Variants in CNTNAP2 observed in about 807,000 individuals in gnomAD.
CNTNAP2 encodes contactin associated protein 2.
A neutral mutation model predicts 155.2 loss-of-function variants in CNTNAP2; 98 were observed. The observed-to-expected ratio is 0.63, with a 90% CI of 0.54 to 0.75. The LOEUF is 0.75. Among genes scored for constraint, CNTNAP2 ranks in the 30% least tolerant of loss-of-function variants. The probability of loss-of-function intolerance (pLI) is 0.00; values close to 1 mark genes in which losing one functional copy is unlikely to be tolerated. For missense variants in CNTNAP2, 1,727 were observed against 1,688.1 expected (o/e 1.02, Z -0.40); for synonymous variants, 651 against 631.2 (o/e 1.03, Z -0.47).
intron 14 of CNTNAP2, among the ~76,000 whole-genome samples, chr7:147,930,123 G>A (rs7792509): frequency 0.029 from 4,255 of 147,334 alleles, 197 homozygotes; most frequent in African/African-American, 0.1. Flanking sequence ...ACATACAAAA[G>A]AAAAACAGAA....
intron 13 of CNTNAP2, among the ~76,000 whole-genome samples, chr7:147,806,294 C>A (rs764428695): frequency 2.0e-5 from 3 of 152,104 alleles, no homozygotes; most frequent in Non-Finnish European, 2.9e-5. Flanking sequence ...TAATAAGTAT[C>A]ATCTCACCCA....
At chr7:146,733,871 A>T (rs184130971) in intron 1 of CNTNAP2, among the ~76,000 whole-genome samples, 19 of 152,116 alleles carry the variant, frequency 1.2e-4, no homozygotes, top group Non-Finnish European at 2.5e-4. Context: ...ATGGTATGAG[A>T]GTTTCATAGT....
chr7:147,546,142 C>T (rs2116755008), intron 11 of CNTNAP2, among the ~76,000 whole-genome samples: 1 of 152,268 alleles, frequency 6.6e-6, no homozygotes, highest in South Asian at 2.1e-4. Context: ...TTGCTAATGT[C>T]TCTTTAATCA....
chr7:148,399,582 G>A (rs772204832), intron 22 of CNTNAP2, among the ~76,000 whole-genome samples: 5 of 151,956 alleles, frequency 3.3e-5, no homozygotes, highest in Non-Finnish European at 5.9e-5. Context: ...GGTATCCAAG[G>A]TCATACTAAG....
chr7:147,393,112 A>G lies in CNTNAP2; in HGVS notation c.1499-2497A>G, dbSNP rs114703077. On this transcript the variant is annotated intron_variant, in intron 9 of 23. Coordinates refer to ENST00000361727, the MANE Select transcript of CNTNAP2 (RefSeq NM_014141.6). ...ACAGAAGTCAGGCCTAATTGATTAT[A>G]GAAGGGGACAACAAAAGGGTGTGAA... 8.6e-3 allele frequency among the ~76,000 whole-genome samples: 1,310 copies of G among 152,182 alleles called. 21 individuals carry two copies. Among genetic ancestry groups the G allele is most frequent in the African/African-American group, 0.03 (1,255 of 41,532 alleles).
intron 13 of CNTNAP2, among the ~76,000 whole-genome samples, chr7:147,691,612 C>A (rs568914010): frequency 1.1e-4 from 16 of 152,104 alleles, no homozygotes; most frequent in Non-Finnish European, 2.4e-4. Flanking sequence ...CACACATTTG[C>A]GGTGTCAAGA....
At chr7:146,840,571 A>G (rs1238686913) in intron 3 of CNTNAP2, among the ~76,000 whole-genome samples, 2 of 152,070 alleles carry the variant, frequency 1.3e-5, no homozygotes, top group Non-Finnish European at 2.9e-5. Flanking sequence ...AAGTGCTGTC[A>G]TCAATATTAA....
chr7:146,136,523 A>C (rs935095022), intron 1 of CNTNAP2, among the ~76,000 whole-genome samples: 4 of 152,150 alleles, frequency 2.6e-5, no homozygotes, highest in Admixed American at 2.6e-4. Context: ...AAGTATAGGC[A>C]TTTCAACGTT....
chr7:146,211,685 T>C (rs1363505384), intron 1 of CNTNAP2, among the ~76,000 whole-genome samples: 2 of 152,238 alleles, frequency 1.3e-5, no homozygotes, highest in South Asian at 2.1e-4. Flanking sequence ...AATAGGTATA[T>C]TGGAATAGCT....
chr7:147,937,367 C>T (rs1800629821), intron 14 of CNTNAP2, among the ~76,000 whole-genome samples: 1 of 152,160 alleles, frequency 6.6e-6, no homozygotes, highest in South Asian at 2.1e-4. Context: ...TTCCAAAATA[C>T]AGTGGTTGCC....
chr7:147,168,648 G>A (rs1802168394), intron 8 of CNTNAP2, among the ~76,000 whole-genome samples: 1 of 152,018 alleles, frequency 6.6e-6, no homozygotes, highest in Admixed American at 6.5e-5. Flanking sequence ...TTATATTGAA[G>A]TTACTTTTTC....
Position 147,597,016 on chromosome 7 carries a change from C to T in CNTNAP2, c.1897+34759C>T, listed in dbSNP as rs1800837950. Among the ~76,000 whole-genome samples, 3 of 152,198 alleles carry T rather than the reference C, an allele frequency of 2.0e-5. No homozygotes were observed. In the South Asian group the frequency reaches 6.2e-4, roughly 31 times the overall value. On this transcript the variant is annotated intron_variant, in intron 12 of 23. Transcript: ENST00000361727. ...CTCAGTTCCAGGGAATTGCCCACCCCTTTCCCAGAAAACTCATGAATAGTC... is the reference window on the plus strand; with the variant it reads ...CTCAGTTCCAGGGAATTGCCCACCCTTTTCCCAGAAAACTCATGAATAGTC...
intron 1 of CNTNAP2, among the ~76,000 whole-genome samples, chr7:146,455,098 T>A (rs1266953622): frequency 6.6e-6 from 1 of 152,164 alleles, no homozygotes; most frequent in Non-Finnish European, 1.5e-5. Context: ...TGTCAAATCC[T>A]TTTATCCTTT....
chr7:146,305,196 T>C (rs1563029564), intron 1 of CNTNAP2, among the ~76,000 whole-genome samples: 2 of 152,162 alleles, frequency 1.3e-5, no homozygotes, highest in Non-Finnish European at 1.5e-5. Flanking sequence ...GGTTTTTAGC[T>C]TCTTTGCGAT....
At chr7:148,398,501 A>G (rs1799515707) in intron 22 of CNTNAP2, among the ~76,000 whole-genome samples, 1 of 152,234 alleles carries the variant, frequency 6.6e-6, no homozygotes, top group South Asian at 2.1e-4. Flanking sequence ...AAGCAGATCA[A>G]TAATATTCAG....
chr7:146,426,299 C>T (rs1796088807), intron 1 of CNTNAP2, among the ~76,000 whole-genome samples: 2 of 150,306 alleles, frequency 1.3e-5, no homozygotes, highest in South Asian at 4.2e-4. Flanking sequence ...CACCATGGTA[C>T]CAGAGCTCAT....
At chr7:146,680,998 G>T (rs1427115658) in intron 1 of CNTNAP2, among the ~76,000 whole-genome samples, 1 of 152,154 alleles carries the variant, frequency 6.6e-6, no homozygotes, top group Non-Finnish European at 1.5e-5. Context: ...ATCAAAGTTT[G>T]ACACTGGCCC....
intron 9 of CNTNAP2, among the ~76,000 whole-genome samples, chr7:147,344,124 G>T (rs749444487): frequency 2.0e-5 from 3 of 152,108 alleles, no homozygotes; most frequent in Non-Finnish European, 4.4e-5. Flanking sequence ...TGAGTCCCAA[G>T]ACTTTGTGAT....
At chr7:146,572,784 T>G (rs1486511100) in intron 1 of CNTNAP2, among the ~76,000 whole-genome samples, 2 of 152,158 alleles carry the variant, frequency 1.3e-5, no homozygotes, top group African/African-American at 4.8e-5. Flanking sequence ...TATAGTACAT[T>G]TGTTTTTTTC....
Sources: gnomAD v4.1 joint callset for allele counts (sites outside exome capture counted in the v4.1 genomes callset) on GRCh38, gnomAD v4.1.1 for gene constraint, MANE v1.5 for transcripts, NCBI Gene and HGNC (gene_info 2026-07-23, HGNC 2026-07-21) for gene names.